The following AKR1C3 variants were observed in gnomAD, a reference collection of about 807,000 sequenced individuals.
AKR1C3 encodes the protein 3-alpha hydroxysteroid dehydrogenase, type II.
A neutral mutation model predicts 43.6 loss-of-function variants in AKR1C3; 48 were observed. The ratio of observed to expected loss-of-function variants is 1.10; its 90% CI spans 0.87 to 1.40. AKR1C3 has a LOEUF of 1.40. Among genes scored for constraint, AKR1C3 ranks in the 40% most tolerant of loss-of-function variants. The probability of loss-of-function intolerance (pLI) is 0.00; values close to 1 mark genes in which losing one functional copy is unlikely to be tolerated. For synonymous variants in AKR1C3, 162 were observed against 139.6 expected (o/e 1.16, Z -1.13); for missense variants, 482 against 391.2 (o/e 1.23, Z -1.96).
At chr10:5,107,045 T>A (rs781875032) in intron 8 of AKR1C3, among the ~76,000 whole-genome samples, 18 of 152,222 alleles carry the variant, frequency 1.2e-4, no homozygotes, top group Admixed American at 6.5e-4. Context: ...ATATAAGAAT[T>A]TTTAATGCAC....
intron 1 of AKR1C3, among the ~76,000 whole-genome samples, chr10:5,081,123 C>T (rs1280115229): frequency 6.6e-6 from 1 of 152,114 alleles, no homozygotes; most frequent in Non-Finnish European, 1.5e-5. Context: ...AATGCAGGAT[C>T]TGGAAAATAT....
chr10:5,093,725 C>G (rs1182038441), upstream of AKR1C3: 2 of 152,048 alleles, frequency 1.3e-5, no homozygotes, highest in African/African-American at 4.8e-5. Flanking sequence ...AAATGATGTC[C>G]AAACTCCAAA....
At chr10:5,074,627 C>G (rs181042582) in intron 1 of AKR1C3, among the ~76,000 whole-genome samples, 2 of 152,072 alleles carry the variant, frequency 1.3e-5, no homozygotes, top group Admixed American at 6.6e-5. Context: ...TTTTGGTACC[C>G]GAAACTCTTT....
At chr10:5,099,999 A>G (rs1482195382) in intron 5 of AKR1C3, 3 of 153,886 alleles carry the variant, frequency 1.9e-5, no homozygotes, top group African/African-American at 7.2e-5. Flanking sequence ...CATGTCAGAA[A>G]GAGAAAAATT....
Position 5,094,439 on chromosome 10 carries a change from C to G in AKR1C3, c.-6C>G. ...AAACATTTGCTAGTCAGACAAGTGA[C>G]AGGGAATGGATTCCAAACACCAGTG... On this transcript the variant is annotated 5_prime_UTR_variant, in exon 1 of 9. Transcript: ENST00000380554. The G allele has an allele frequency of 6.2e-7, 1 of 1,607,932 alleles. No homozygotes were observed. Among genetic ancestry groups the G allele is most frequent in the Non-Finnish European group, 8.5e-7 (1 of 1,174,926 alleles).
intron 4 of AKR1C3, among the ~76,000 whole-genome samples, 200 bp from the exon 5 acceptor site, chr10:5,099,127 G>A (rs1554785593): frequency 6.6e-6 from 1 of 152,190 alleles, no homozygotes; most frequent in Non-Finnish European, 1.5e-5. Flanking sequence ...AGTTTCCTAA[G>A]GAAGAGATAG....
At chr10:5,105,739 G>A (rs1839485539) in intron 8 of AKR1C3, 62 bp downstream of exon 8, 3 of 1,322,034 alleles carry the variant, frequency 2.3e-6, no homozygotes, top group South Asian at 1.2e-5. Context: ...TAGGATGGGT[G>A]TTGAGAGTGA....
At chr10:5,102,003 C>T (rs1214145917) in intron 5 of AKR1C3, 98 bp from the exon 6 acceptor site, 2 of 760,044 alleles carry the variant, frequency 2.6e-6, no homozygotes, top group South Asian at 1.7e-5. Flanking sequence ...AAATATAATG[C>T]TATACTGATT....
rs566569821 is a variant in AKR1C3 at position 5,102,739 on chromosome 10, C to T, written c.846+89C>T. On this transcript the variant is annotated intron_variant, in intron 7 of 8. Transcript: ENST00000380554. ...TAAGGCTCTCAGGACAGCCTTGGGCCAGCTCCATTTCCCTGTATTTCCCAT... is the reference window on the plus strand; with the variant it reads ...TAAGGCTCTCAGGACAGCCTTGGGCTAGCTCCATTTCCCTGTATTTCCCAT... The T allele has an allele frequency of 1.7e-4, 260 of 1,493,740 alleles. 2 individuals carry two copies. The South Asian group carries it at 3.3e-3, about 19-fold the overall frequency. The allele number at this position is 1,493,740 out of a possible 1,614,324, so 92.5% of individuals were successfully genotyped here.
chr10:5,099,477 C>G (rs370755464), intron 5 of AKR1C3, 28 bp downstream of exon 5: 5 of 1,613,886 alleles, frequency 3.1e-6, no homozygotes, highest in Non-Finnish European at 2.5e-6. Context: ...TCTCTCCTTT[C>G]GGTTCTTCAT....
chr10:5,085,711 T>G (rs1394062164), intron 1 of AKR1C3, among the ~76,000 whole-genome samples: 6 of 151,850 alleles, frequency 4.0e-5, no homozygotes, highest in Admixed American at 6.6e-5. Context: ...GTCCTGGACT[T>G]TTTTTGGTTG....
intron 1 of AKR1C3, among the ~76,000 whole-genome samples, chr10:5,083,600 G>A (rs1242420311): frequency 6.6e-6 from 1 of 152,118 alleles, no homozygotes; most frequent in Non-Finnish European, 1.5e-5. Flanking sequence ...CCCAGTAATG[G>A]GATGGCTGGG....
At chr10:5,088,465 T>G (rs1025591825) in intron 1 of AKR1C3, among the ~76,000 whole-genome samples, 16 of 152,104 alleles carry the variant, frequency 1.1e-4, no homozygotes, top group Non-Finnish European at 2.4e-4. Context: ...CAGTCTGTTT[T>G]CTTAGGTGTA....
intron 1 of AKR1C3, among the ~76,000 whole-genome samples, chr10:5,050,519 A>T (rs1838132372): frequency 6.6e-6 from 1 of 151,430 alleles, no homozygotes. Flanking sequence ...TTTAACAAGT[A>T]ATAGAGATGA....
At chr10:5,055,264 A>T (rs1383265150) in intron 1 of AKR1C3, among the ~76,000 whole-genome samples, 2 of 152,216 alleles carry the variant, frequency 1.3e-5, no homozygotes, top group Non-Finnish European at 2.9e-5. Flanking sequence ...CTTCTAAGAG[A>T]TCATCTCAGA....
chr10:5,105,788 G>T (rs1415439241), intron 8 of AKR1C3, 111 bp downstream of exon 8: 33 of 790,818 alleles, frequency 4.2e-5, no homozygotes, highest in African/African-American at 6.9e-5. Context: ...GTGAGTCAGA[G>T]GTGAGACTGG....
At position 5,057,773 on chromosome 10, in the gene AKR1C3, G is replaced by A. The variant is rs192574304; in HGVS notation, c.84+8878G>A. 1.4e-3 allele frequency among the ~76,000 whole-genome samples: 207 copies of A among 152,178 alleles called. 1 individual carries two copies. Among genetic ancestry groups the A allele is most frequent in the African/African-American group, 4.7e-3 (196 of 41,514 alleles). The stretch of plus-strand genomic sequence containing the variant: ...TGGTAGGGAATTTGTCCCTTTCTTC[G>A]GCTGTCATGCTATCATTTACTGACT... On this transcript the variant is annotated intron_variant, in intron 1 of 8. Transcript: ENST00000439082.
chr10:5,098,421 G>C (rs1554785489), intron 3 of AKR1C3, among the ~76,000 whole-genome samples: 1 of 152,124 alleles, frequency 6.6e-6, no homozygotes, highest in Non-Finnish European at 1.5e-5. Context: ...CAACTCTTCA[G>C]GTGGTCTGAT....
upstream of AKR1C3, among the ~76,000 whole-genome samples, chr10:5,091,690 C>T (rs1341303821): frequency 1.3e-5 from 2 of 152,110 alleles, no homozygotes; most frequent in Non-Finnish European, 2.9e-5. Context: ...CAATCCTATA[C>T]AAAACTTCTT....
Sources: allele counts gnomAD v4.1 joint callset (sites outside exome capture counted in the v4.1 genomes callset), GRCh38; gene constraint gnomAD v4.1.1; transcripts MANE v1.5; gene names NCBI Gene and HGNC (gene_info 2026-07-23, HGNC 2026-07-21).